The following HMG20B variants were observed in gnomAD, a reference collection of about 807,000 sequenced individuals.
HMG20B encodes the protein SWI/SNF-related matrix-associated actin-dependent regulator of chromatin subfamily E member 1-related.
In HMG20B, 24 loss-of-function variants were observed where a neutral mutation model predicts 41.6. That is an observed-to-expected ratio of 0.58 (90% CI 0.42 to 0.81). The LOEUF is 0.81. HMG20B is among the 30% of genes least tolerant of loss of function. The pLI is 0.00. For synonymous variants in HMG20B, 251 were observed against 186.6 expected (o/e 1.34, Z -2.81); for missense variants, 461 against 444.0 (o/e 1.04, Z -0.34).
intron 8 of HMG20B, 111 bp downstream of exon 8, chr19:3,577,218 C>A (rs1260148858): frequency 1.7e-5 from 13 of 780,098 alleles, no homozygotes; most frequent in Admixed American, 3.2e-5. Context: ...CCCATCGCCC[C>A]GTCCCCTCTT....
At position 3,577,961 on chromosome 19, in the gene HMG20B, C is replaced by T. The variant is rs758878102; in HGVS notation, c.809-20C>T. Reference sequence around the variant, plus strand: ...GCGACTCCCCGGCACCCTCGCCTGACCTTCCCGCCTGTCCCCCAGGCACGG... The same window carrying T: ...GCGACTCCCCGGCACCCTCGCCTGATCTTCCCGCCTGTCCCCCAGGCACGG... On this transcript the variant is annotated intron_variant, in intron 8 of 9. Transcript: ENST00000333651. 7 of 1,572,556 alleles carry T rather than the reference C, an allele frequency of 4.5e-6. No homozygotes were observed. In the South Asian group the frequency reaches 5.7e-5, roughly 13 times the overall value.
intron 1 of HMG20B, 99 bp from the exon 2 acceptor site, chr19:3,573,170 TCCGGCCCCCCCAGCGCTCCGGGC>T: frequency 8.1e-6 from 6 of 738,076 alleles, no homozygotes; most frequent in Non-Finnish European, 1.2e-5. Flanking sequence ...TGCCCCTGGA[TCCGGCCCCCCCAGCGCTCCGGGC>T]CCGGCATCCC....
intron 4 of HMG20B, among the ~76,000 whole-genome samples, chr19:3,574,919 A>G (rs552499232): frequency 1.8e-4 from 28 of 152,148 alleles, no homozygotes; most frequent in African/African-American, 6.7e-4. Context: ...GGGTTTCGCC[A>G]TGTTGGCCAG....
intron 9 of HMG20B, 99 bp downstream of exon 9, chr19:3,578,212 G>T: frequency 6.7e-7 from 1 of 1,488,910 alleles, no homozygotes; most frequent in East Asian, 2.3e-5. Context: ...GTGGGACTCC[G>T]CAGCTTACTA....
intron 3 of HMG20B, chr19:3,574,004 C>T (rs2145253322): frequency 1.4e-6 from 1 of 697,584 alleles, no homozygotes; most frequent in East Asian, 2.7e-5. Context: ...CCGCACAATG[C>T]CAGCTCTGCC....
chr19:3,574,440 G>C lies in HMG20B; in HGVS notation c.205G>C (p.Gly69Arg). 1 of 1,609,070 alleles carries C rather than the reference G, an allele frequency of 6.2e-7. No homozygotes were observed. Among genetic ancestry groups the C allele is most frequent in the African/African-American group, 1.3e-5 (1 of 74,978 alleles). The change falls in exon 4 of 10, where the codon GGG (glycine) becomes CGG (arginine). Residue 69 changes from glycine (G) to arginine (R), a missense_variant. This residue lies in a region of HMG20B where 49 missense variants were observed against 84.1 expected (regional missense o/e 0.58). Transcript: ENST00000333651. ...GKKRKKILPN[G>R]PKAPVTGYVR... ...GAAGCGGAAGAAGATTCTGCCGAAT[G>C]GGCCCAAGGCACCGGTCACGGGCTA...
chr19:3,574,608 G>A (rs1405910681), intron 4 of HMG20B, 22 bp downstream of exon 4: 1 of 1,566,612 alleles, frequency 6.4e-7, no homozygotes, highest in Admixed American at 1.9e-5. Flanking sequence ...GGGGCGCCGA[G>A]CAGGGCTGGC....
chr19:3,573,189 C>T (rs1220776452), intron 1 of HMG20B, 103 bp from the exon 2 acceptor site: 22 of 948,146 alleles, frequency 2.3e-5, no homozygotes, highest in African/African-American at 3.5e-5. Flanking sequence ...CCCAGCGCTC[C>T]GGGCCCGGCA....
rs2032077701 is a variant in HMG20B at position 3,573,160 on chromosome 19, T to C, written c.-18-132T>C. The C allele has an allele frequency of 9.0e-6, 6 of 666,682 alleles. No homozygotes were observed. The South Asian group carries it at 1.3e-4, about 15-fold the overall frequency. 41.3% of individuals were successfully genotyped at this position (666,682 alleles called of 1,614,324 possible). On this transcript the variant is annotated intron_variant, in intron 1 of 9. Coordinates refer to ENST00000333651, the MANE Select transcript of HMG20B (RefSeq NM_006339.3). The stretch of plus-strand genomic sequence containing the variant: ...GGGCGCCCGCCCTCGAGGACTTCCC[T>C]GCCCCTGGATCCGGCCCCCCCAGCG...
rs1031073177 is a variant in HMG20B, at chr19:3,578,807, G to C, written c.*286G>C. Reference sequence around the variant, plus strand: ...CAGCCACGCGCTACACTGGCTCTCCGGGCCACCCCCAGGACACAGGGCAGA... The same window carrying C: ...CAGCCACGCGCTACACTGGCTCTCCCGGCCACCCCCAGGACACAGGGCAGA... On this transcript the variant is annotated 3_prime_UTR_variant, in exon 10 of 10. Coordinates refer to ENST00000333651, the MANE Select transcript of HMG20B (RefSeq NM_006339.3). 1.4e-6 allele frequency: 1 copy of C among 708,432 alleles called. No individual in the cohort carries two copies. Among genetic ancestry groups the C allele is most frequent in the Admixed American group, 1.8e-5 (1 of 54,282 alleles). The allele number at this position is 708,432 out of a possible 1,614,324, so 43.9% of individuals were successfully genotyped here.
rs1473788377 is a variant in HMG20B at position 3,573,766 on chromosome 19, C to G, written c.113C>G (p.Pro38Arg). 1 of 1,567,138 alleles carries G rather than the reference C, an allele frequency of 6.4e-7. No homozygotes were observed. The highest frequency in any genetic ancestry group is 1.4e-5 in the African/African-American group (1 of 72,300). The change falls in exon 3 of 10, where the codon CCA (proline) becomes CGA (arginine). Residue 38 changes from proline to arginine, a missense_variant. Pro to Arg is a moderately radical substitution (Grantham distance 103, BLOSUM62 -2). Coordinates refer to ENST00000333651, the MANE Select transcript of HMG20B (RefSeq NM_006339.3). ...GTCAAGCAAGAGCGCGGCGAGGGTC[C>G]ACGCGCGGGCGAGAAGGGGTCCCAC... Reference protein sequence around the residue: ...VTVKQERGEGPRAGEKGSHEE... With the variant: ...VTVKQERGEGRRAGEKGSHEE...
Position 3,575,652 on chromosome 19 carries a change from T to C in HMG20B, c.464T>C (p.Ile155Thr). Reference sequence around the variant, plus strand: ...ACGGAGAAGATCCAGGAGAAGAAGATCAAGAAAGGTGGGAGGGGTCGGGCG... The same window carrying C: ...ACGGAGAAGATCCAGGAGAAGAAGACCAAGAAAGGTGGGAGGGGTCGGGCG... Reference protein sequence around the residue: ...MCTEKIQEKKIKKEDSSSGLM... With the variant: ...MCTEKIQEKKTKKEDSSSGLM... Residue 155 changes from isoleucine to threonine, a missense_variant, in exon 5 of 10, where the codon ATC becomes ACC. Transcript: ENST00000333651. The C allele has an allele frequency of 6.5e-7, 1 of 1,550,268 alleles. No homozygotes were observed. The highest frequency in any genetic ancestry group is 8.7e-7 in the Non-Finnish European group (1 of 1,146,734).
chr19:3,576,222 G>T, intron 5 of HMG20B, 39 bp from the exon 6 acceptor site: 1 of 1,601,766 alleles, frequency 6.2e-7, no homozygotes. Context: ...GTCCCTGGAG[G>T]CCTGGGAGGC....
intron 3 of HMG20B, 49 bp from the exon 4 acceptor site, chr19:3,574,334 G>C: frequency 6.8e-7 from 1 of 1,474,830 alleles, no homozygotes; most frequent in Non-Finnish European, 9.1e-7. Flanking sequence ...TCTGAGCCCT[G>C]CCCCAGTACG....
intron 3 of HMG20B, 200 bp from the exon 4 acceptor site, chr19:3,574,183 C>T (rs2032105315): frequency 4.9e-6 from 3 of 615,050 alleles, no homozygotes; most frequent in East Asian, 5.5e-5. Context: ...CTCAGATCCC[C>T]TCACCCCTGG....
At chr19:3,573,060 C>G in intron 1 of HMG20B, 66 bp downstream of exon 1, 1 of 461,080 alleles carries the variant, frequency 2.2e-6, no homozygotes. Flanking sequence ...CAGGGCCGGG[C>G]CGGGGTCTTT....
intron 9 of HMG20B, 61 bp downstream of exon 9, chr19:3,578,174 G>C (rs2032214582): frequency 3.2e-6 from 5 of 1,580,398 alleles, no homozygotes; most frequent in Admixed American, 1.7e-5. Flanking sequence ...CCCGCCCTGG[G>C]GTTCCCCAGG....
At position 3,576,542 on chromosome 19, in the gene HMG20B, C is replaced by T. The variant is rs1293208211; in HGVS notation, c.520-11C>T. 1.2e-6 allele frequency: 2 copies of T among 1,611,436 alleles called. No homozygotes were observed. Among genetic ancestry groups the T allele is most frequent in the South Asian group, 1.1e-5 (1 of 90,652 alleles). ...CCACCAGTAAATTGCCACCTTGTCC[C>T]TTCGTCTTAGGGTGGGGACTGCGAT... On this transcript the variant is annotated splice_polypyrimidine_tract_variant and intron_variant, in intron 6 of 9. Transcript: ENST00000333651.
intron 3 of HMG20B, 154 bp downstream of exon 3, chr19:3,573,954 CT>C: frequency 5.3e-6 from 4 of 751,260 alleles, no homozygotes; most frequent in Middle Eastern, 4.5e-4. Context: ...TGCCACGCCC[CT>C]GACAGGTCCT....
Sources: allele counts gnomAD v4.1 joint callset (sites outside exome capture counted in the v4.1 genomes callset), GRCh38; gene constraint gnomAD v4.1.1; regional missense constraint gnomAD v4.1.1; transcripts MANE v1.5; gene names NCBI Gene and HGNC (gene_info 2026-07-23, HGNC 2026-07-21).